Variants in SUZ12 observed in about 807,000 individuals in gnomAD.
SUZ12 encodes the protein polycomb protein SUZ12.
A neutral mutation model predicts 87.3 loss-of-function variants in SUZ12; 17 were observed. The observed-to-expected ratio is 0.19, with a 90% CI of 0.13 to 0.29. The LOEUF is 0.29. SUZ12 is among the 10% of genes least tolerant of loss of function. The pLI is 1.00. For synonymous variants in SUZ12, 253 were observed against 312.4 expected, an observed-to-expected ratio of 0.81 and a Z score of 2.01; for missense variants, 526 against 912.2, an observed-to-expected ratio of 0.58 and a Z score of 5.45.
At chr17:31,994,148 T>C in intron 12 of SUZ12, 140 bp downstream of exon 12, 1 of 784,760 alleles carries the variant, frequency 1.3e-6, no homozygotes, top group South Asian at 2.4e-5. Context: ...AGCATGACTT[T>C]CAAAAATTGT....
intron 5 of SUZ12, among the ~76,000 whole-genome samples, chr17:31,969,990 C>G (rs981816098): frequency 1.3e-5 from 2 of 152,100 alleles, no homozygotes; most frequent in African/African-American, 2.4e-5. Flanking sequence ...AGTGAGCAGT[C>G]TTGCTTCATT....
chr17:31,963,064 A>AATT (rs202201433), intron 4 of SUZ12, among the ~76,000 whole-genome samples: 25,541 of 148,600 alleles, frequency 0.17, no homozygotes, highest in African/African-American at 0.32. Context: ...AGCACGTAGA[A>AATT]ATCTGATTCA....
At chr17:31,960,554 G>A (rs1907642308) in intron 4 of SUZ12, among the ~76,000 whole-genome samples, 1 of 151,898 alleles carries the variant, frequency 6.6e-6, no homozygotes, top group South Asian at 2.1e-4. Flanking sequence ...TGCATAGCAA[G>A]TCACATTCCC....
At chr17:31,964,845 G>A (rs1173228284) in intron 4 of SUZ12, among the ~76,000 whole-genome samples, 5 of 151,862 alleles carry the variant, frequency 3.3e-5, no homozygotes, top group East Asian at 1.9e-4. Context: ...AGTCGGGCTC[G>A]GTGGCTCACA....
intron 4 of SUZ12, among the ~76,000 whole-genome samples, chr17:31,952,503 A>G (rs1425370995): frequency 2.6e-5 from 4 of 152,270 alleles, no homozygotes; most frequent in Admixed American, 2.0e-4. Context: ...GTGTAGTGGT[A>G]TATGCTAGCA....
rs1359305761 is a variant in SUZ12 at position 31,937,377 on chromosome 17, G to A, written c.131G>A (p.Gly44Glu). Residue 44 changes from glycine (G) to glutamate (E), a missense_variant, in exon 1 of 16, where the codon GGG (glycine) becomes GAG (glutamate). Physicochemically the swap from Gly to Glu is moderately conservative, Grantham distance 98. This residue lies in a region of SUZ12 where 92 missense variants were observed against 109.9 expected (regional missense o/e 0.84). Transcript: ENST00000322652. ...ATASGGKSGGGSCGGGGSYSA... is the reference protein window; with the variant it reads ...ATASGGKSGGESCGGGGSYSA... ...GCTTCGGGCGGCAAATCCGGCGGCG[G>A]GAGCTGTGGAGGGGGTGGCAGTTAC... 1 of 1,508,366 alleles carries A rather than the reference G, an allele frequency of 6.6e-7. No homozygotes were observed. The highest frequency in any genetic ancestry group is 8.8e-7 in the Non-Finnish European group (1 of 1,130,718). The allele number at this position is 1,508,366 out of a possible 1,614,324, so 93.4% of individuals were successfully genotyped here.
chr17:31,988,392 A>G lies in SUZ12; in HGVS notation c.1096A>G (p.Asn366Asp), dbSNP rs767571911. The change falls in exon 10 of 16, where the codon AAT (asparagine) becomes GAT (aspartate). Residue 366 changes from asparagine to aspartate, a missense_variant. Around this residue, in one of 9 missense-constraint regions of SUZ12, gnomAD observed 85 missense variants for 87.4 expected, o/e 0.97. Coordinates refer to ENST00000322652, the MANE Select transcript of SUZ12 (RefSeq NM_015355.4). Reference sequence around the variant, plus strand: ...CACTCTTCGTTGGACAGGAGAGACCAATGATAAATCTACGGCTCCTATTGC... The same window carrying G: ...CACTCTTCGTTGGACAGGAGAGACCGATGATAAATCTACGGCTCCTATTGC... Reference protein sequence around the residue: ...QFTLRWTGETNDKSTAPIAKP... With the variant: ...QFTLRWTGETDDKSTAPIAKP... 1.2e-6 allele frequency: 2 copies of G among 1,613,800 alleles called. No homozygotes were observed. Among genetic ancestry groups the G allele is most frequent in the Non-Finnish European group, 8.5e-7 (1 of 1,179,908 alleles).
rs1162977932 is a variant in SUZ12 at position 31,995,564 on chromosome 17, G to A, written c.1596G>A (p.Arg532=). The part of the protein sequence containing the change: ...RTPITHILVC[R]PKRTKASMSE... ...ATCAACATTTATTTCTTTTCATTAG[G>A]CCAAAACGAACAAAAGCAAGCATGT... Residue 532 remains arginine, a splice_region_variant and synonymous_variant, in exon 14 of 16, where the codon AGG becomes AGA. Coordinates refer to ENST00000322652, the MANE Select transcript of SUZ12 (RefSeq NM_015355.4). 6.2e-7 allele frequency: 1 copy of A among 1,613,650 alleles called. No homozygotes were observed. Among genetic ancestry groups the A allele is most frequent in the Non-Finnish European group, 8.5e-7 (1 of 1,179,874 alleles).
rs892389046 is a variant in SUZ12 at position 31,997,666 on chromosome 17, C to CAAAAAA, written c.1874+805_1874+810dup. Among the ~76,000 whole-genome samples the CAAAAAA allele has an allele frequency of 6.8e-4, 48 of 70,402 alleles. 1 individual carries two copies. The highest frequency in any genetic ancestry group is 2.1e-3 in the African/African-American group (43 of 20,898). The allele number at this position is 70,402 out of a possible 152,430, so 46.2% of individuals were successfully genotyped here. ...GGGCAACAGAGTGAGACCCTATCTCCAAAAAAAAAAAAAAAAAAAAAGGCC... is the reference window on the plus strand; with the variant it reads ...GGGCAACAGAGTGAGACCCTATCTCCAAAAAAAAAAAAAAAAAAAAAAAAAAAGGCC... On this transcript the variant is annotated intron_variant, in intron 15 of 15. Transcript: ENST00000322652.
At chr17:31,966,376 G>T in intron 5 of SUZ12, 180 bp downstream of exon 5, 1 of 606,488 alleles carries the variant, frequency 1.6e-6, no homozygotes, top group Non-Finnish European at 2.9e-6. Context: ...TTTGGTGGAT[G>T]GGGGTGCAGA....
intron 1 of SUZ12, 61 bp from the exon 2 acceptor site, chr17:31,940,225 G>T (rs1356756560): frequency 5.7e-6 from 9 of 1,571,670 alleles, no homozygotes; most frequent in Non-Finnish European, 6.9e-6. Flanking sequence ...CATGGTCTCG[G>T]TTGATATTTT....
At chr17:31,941,711 G>A (rs1906298481) in intron 3 of SUZ12, among the ~76,000 whole-genome samples, 1 of 151,436 alleles carries the variant, frequency 6.6e-6, no homozygotes, top group Non-Finnish European at 1.5e-5. Flanking sequence ...CACCATGCTC[G>A]GCTAATTTTT....
At chr17:31,980,429 CTTTTTTTTTTTTTTTTTTTTTTTT>C (rs58491591) in intron 8 of SUZ12, among the ~76,000 whole-genome samples, 2 of 53,834 alleles carry the variant, frequency 3.7e-5, no homozygotes, top group Non-Finnish European at 3.3e-5. Context: ...TCACCTTCTC[CTTTTTTTTTTTTTTTTTTTTTTTT>C]TTTTTTTTTT....
intron 14 of SUZ12, among the ~76,000 whole-genome samples, chr17:31,996,542 C>G (rs1440503232): frequency 6.6e-6 from 1 of 152,134 alleles, no homozygotes; most frequent in African/African-American, 2.4e-5. Flanking sequence ...TTGCTTGAAC[C>G]CGGGAGGTCA....
chr17:31,995,862 T>TAAAAAAAAAAAAA, intron 14 of SUZ12, 100 bp downstream of exon 14: 1 of 701,232 alleles, frequency 1.4e-6, no homozygotes, highest in Non-Finnish European at 2.2e-6. Flanking sequence ...GAACTTTTTT[T>TAAAAAAAAAAAAA]AAAAAAAAAA....
At chr17:31,963,953 A>C (rs1379737446) in intron 4 of SUZ12, 44 of 151,842 alleles carry the variant, frequency 2.9e-4, no homozygotes, top group African/African-American at 1.0e-3. Context: ...CTGCTTTCTA[A>C]CTCTGCTTGG....
At chr17:31,969,955 T>G (rs1325916565) in intron 5 of SUZ12, among the ~76,000 whole-genome samples, 3 of 152,156 alleles carry the variant, frequency 2.0e-5, no homozygotes, top group Non-Finnish European at 4.4e-5. Flanking sequence ...GACAGAGTCT[T>G]GCTCTGTCAC....
intron 5 of SUZ12, among the ~76,000 whole-genome samples, chr17:31,970,946 T>C (rs1204947860): frequency 6.6e-6 from 1 of 152,246 alleles, no homozygotes; most frequent in Non-Finnish European, 1.5e-5. Context: ...TATTCAGTTA[T>C]GAACTGTTAA....
chr17:31,989,397 T>C (rs1462482125), intron 10 of SUZ12, among the ~76,000 whole-genome samples: 2 of 151,986 alleles, frequency 1.3e-5, no homozygotes, highest in Admixed American at 1.3e-4. Context: ...AAAAAAAAAA[T>C]TGAAGCGTGA....
Sources: gnomAD v4.1 joint callset for allele counts (sites outside exome capture counted in the v4.1 genomes callset) on GRCh38, gnomAD v4.1.1 for gene constraint, gnomAD v4.1.1 regional missense constraint, MANE v1.5 for transcripts, NCBI Gene and HGNC (gene_info 2026-07-23, HGNC 2026-07-21) for gene names.